ADAM32: variants seen among roughly 807,000 people sequenced by gnomAD.
ADAM32 encodes ADAM metallopeptidase domain 32, also known as disintegrin and metalloproteinase domain-containing protein 32.
In ADAM32, 89 loss-of-function variants were observed where a neutral mutation model predicts 114.9. The ratio of observed to expected loss-of-function variants is 0.77; its 90% confidence interval spans 0.65 to 0.92. The LOEUF is 0.92. Ranked by LOEUF, ADAM32 falls within the 40% of genes least tolerant of loss-of-function variation. ADAM32 has a pLI of 0.00. For synonymous variants in ADAM32, 285 were observed against 307.5 expected (o/e 0.93, Z 0.77); for missense variants, 870 against 932.8 (o/e 0.93, Z 0.88).
chr8:39,234,775 C>T (rs1045921072), intron 16 of ADAM32, among the ~76,000 whole-genome samples: 2 of 152,204 alleles, frequency 1.3e-5, no homozygotes, highest in Non-Finnish European at 2.9e-5. Context: ...AATAACACAG[C>T]AAAGGTTCCT....
intron 17 of ADAM32, 90 bp from the exon 18 acceptor site, chr8:39,254,324 A>G: frequency 1.9e-6 from 2 of 1,073,186 alleles, no homozygotes; most frequent in South Asian, 3.2e-5. Context: ...ACAAAATTAC[A>G]CTAGATTATG....
At chr8:39,251,830 T>C (rs1811328324) in intron 17 of ADAM32, among the ~76,000 whole-genome samples, 1 of 151,854 alleles carries the variant, frequency 6.6e-6, no homozygotes, top group Non-Finnish European at 1.5e-5. Flanking sequence ...CATTTTCTCC[T>C]GGTAATTTTA....
At chr8:39,111,947 A>G (rs1363483274) in intron 1 of ADAM32, among the ~76,000 whole-genome samples, 4 of 152,180 alleles carry the variant, frequency 2.6e-5, no homozygotes, top group Admixed American at 2.6e-4. Context: ...ATTTGGCTTT[A>G]CATCAGAATA....
chr8:39,177,291 C>T (rs559315507), intron 10 of ADAM32, among the ~76,000 whole-genome samples: 107 of 152,258 alleles, frequency 7.0e-4, no homozygotes, highest in African/African-American at 2.4e-3. Flanking sequence ...GAACTCTTGA[C>T]CTCAAGTGAC....
At chr8:39,244,321 CA>C (rs1264976699) in intron 16 of ADAM32, among the ~76,000 whole-genome samples, 2 of 151,684 alleles carry the variant, frequency 1.3e-5, no homozygotes, top group Non-Finnish European at 2.9e-5. Context: ...AAAGGCTAAG[CA>C]AAAAAACAAA....
chr8:39,188,134 T>G (rs1221357126), intron 11 of ADAM32, among the ~76,000 whole-genome samples: 2 of 152,192 alleles, frequency 1.3e-5, no homozygotes, highest in Admixed American at 6.5e-5. Context: ...AAGGGTTAAC[T>G]CTTATGTTCT....
In ADAM32 at chr8:39,254,533, T is replaced by C; in HGVS notation, c.2005+17T>C. The C allele has an allele frequency of 1.3e-6, 2 of 1,505,364 alleles. No homozygotes were observed. Among genetic ancestry groups the C allele is most frequent in the Non-Finnish European group, 1.8e-6 (2 of 1,115,490 alleles). 93.3% of individuals were successfully genotyped at this position (1,505,364 alleles called of 1,614,324 possible). A position where few individuals can be genotyped will look rare whatever the true frequency, so the allele number is the denominator to read the frequency against. ...AAGATATGGGCAAGTATTTGTCTCT[T>C]TAAATACCCATTTAATAAAATTCTC... On this transcript the variant is annotated intron_variant, in intron 18 of 24. Coordinates refer to ENST00000379907, the MANE Select transcript of ADAM32 (RefSeq NM_145004.7).
At chr8:39,171,988 T>G (rs1441095666) in intron 10 of ADAM32, among the ~76,000 whole-genome samples, 4 of 151,372 alleles carry the variant, frequency 2.6e-5, no homozygotes, top group Non-Finnish European at 5.9e-5. Context: ...GCACTTTGTC[T>G]AGAGATTGAT....
intron 10 of ADAM32, among the ~76,000 whole-genome samples, chr8:39,177,841 A>G (rs1050627012): frequency 4.6e-5 from 7 of 152,118 alleles, no homozygotes; most frequent in African/African-American, 1.7e-4. Context: ...ATTGGCCCCC[A>G]ATCTCTTCTG....
At chr8:39,273,161 A>G (rs1753140823) in intron 20 of ADAM32, among the ~76,000 whole-genome samples, 2 of 151,728 alleles carry the variant, frequency 1.3e-5, no homozygotes, top group South Asian at 4.2e-4. Flanking sequence ...TTTACAGTTA[A>G]TTTTTTTTCT....
In ADAM32 at chr8:39,233,935, T is replaced by C. The variant is rs1809919996; in HGVS notation, c.1671T>C (p.Pro557=). 6.3e-7 allele frequency: 1 copy of C among 1,589,190 alleles called. No homozygotes were observed. Among genetic ancestry groups the C allele is most frequent in the Non-Finnish European group, 8.6e-7 (1 of 1,167,108 alleles). ...GTGGAAGATTAGTTTGTACCTACCC[T>C]ACTCGAAAGCCTTTCCATCAAGAAA... ...LICGRLVCTY[P]TRKPFHQENG... is the part of the protein sequence containing the mutation. The change falls in exon 16 of 25, where the codon CCT becomes CCC. Residue 557 remains proline, a synonymous_variant. Coordinates refer to ENST00000379907, the MANE Select transcript of ADAM32 (RefSeq NM_145004.7).
chr8:39,226,986 T>C (rs951874013), intron 14 of ADAM32, among the ~76,000 whole-genome samples: 41 of 152,116 alleles, frequency 2.7e-4, no homozygotes, highest in Non-Finnish European at 2.4e-4. Context: ...ACTTATAAAT[T>C]GAGATGGATC....
chr8:39,268,227 T>C (rs1185376970), intron 19 of ADAM32, among the ~76,000 whole-genome samples: 3 of 152,130 alleles, frequency 2.0e-5, no homozygotes, highest in Admixed American at 6.5e-5. Context: ...TGTATGAGAG[T>C]TGTAGTTTCT....
intron 11 of ADAM32, among the ~76,000 whole-genome samples, chr8:39,192,271 C>T (rs929470445): frequency 6.6e-6 from 1 of 152,046 alleles, no homozygotes; most frequent in Non-Finnish European, 1.5e-5. Flanking sequence ...TTATGTAATG[C>T]CCTTCTTTGT....
In ADAM32 at chr8:39,221,683, T is replaced by C. The variant is rs1297740470; in HGVS notation, c.1307T>C (p.Leu436Pro). 3 of 1,611,192 alleles carry C rather than the reference T, an allele frequency of 1.9e-6. No homozygotes were observed. Among genetic ancestry groups the C allele is most frequent in the South Asian group, 1.1e-5 (1 of 90,742 alleles). ...GACGGAGCAAAATGTTATAAAGGAC[T>C]GTGCTGCAAAGACTGTCAAGTAAGA... ...LKDGAKCYKG[L>P]CCKDCQILQS... is the part of the protein sequence containing the mutation. The change falls in exon 13 of 25, where the codon CTG becomes CCG. Residue 436 changes from leucine (L) to proline (P), a missense_variant. Leu to Pro is a moderately conservative substitution (Grantham distance 98). Coordinates refer to ENST00000379907, the MANE Select transcript of ADAM32 (RefSeq NM_145004.7).
intron 12 of ADAM32, chr8:39,221,399 G>A (rs1808949705): frequency 2.0e-6 from 1 of 495,098 alleles, no homozygotes; most frequent in African/African-American, 2.0e-5. Context: ...TCCAGAGGAA[G>A]GTAAGTAGGT....
chr8:39,264,931 T>C (rs542795144), intron 19 of ADAM32, among the ~76,000 whole-genome samples: 1 of 152,234 alleles, frequency 6.6e-6, no homozygotes, highest in African/African-American at 2.4e-5. Context: ...GATTGGTATG[T>C]GCTGATGTGA....
chr8:39,239,611 T>G (rs996066733), intron 16 of ADAM32, among the ~76,000 whole-genome samples: 4 of 152,134 alleles, frequency 2.6e-5, no homozygotes, highest in Non-Finnish European at 5.9e-5. Flanking sequence ...CCTAAATTCT[T>G]CACTTAAAAG....
intron 20 of ADAM32, among the ~76,000 whole-genome samples, chr8:39,272,101 GAAAAA>G (rs11366445): frequency 3.0e-5 from 2 of 65,810 alleles, no homozygotes; most frequent in Admixed American, 1.8e-4. Context: ...GTGAGCTCCA[GAAAAA>G]AAAAAAAAAA....
Sources: gnomAD v4.1 joint callset for allele counts (sites outside exome capture counted in the v4.1 genomes callset) on GRCh38, gnomAD v4.1.1 for gene constraint, MANE v1.5 for transcripts, NCBI Gene and HGNC (gene_info 2026-07-23, HGNC 2026-07-21) for gene names.